The following USP7 variants were observed in gnomAD, a reference collection of about 807,000 sequenced individuals.
USP7 encodes the protein ubiquitin specific peptidase 7.
A neutral mutation model predicts 162.9 loss-of-function variants in USP7; 9 were observed. That is an observed-to-expected ratio of 0.06 (90% CI 0.03 to 0.10). The LOEUF is 0.10. USP7 is among the 10% of genes least tolerant of loss of function. The pLI is 1.00. For synonymous variants in USP7, 562 were observed against 475.9 expected (o/e 1.18, Z -2.35); for missense variants, 715 against 1,373.7 (o/e 0.52, Z 7.58).
chr16:8,895,841 T>G (rs1485792709), intron 26 of USP7, 100 bp from the exon 27 acceptor site: 7 of 58,456 alleles, frequency 1.2e-4, no homozygotes, highest in Non-Finnish European at 1.2e-4. Flanking sequence ...CACGATATGT[T>G]TTTTTTTTTT....
rs780262153 is a variant in USP7 at position 8,898,515 on chromosome 16, T to TA, written c.2640+15dup. ...TTCTCTTTATGACCCATAGTTACAT[T>TA]AATTTGGACTCATACCTGCTGATAG... On this transcript the variant is annotated intron_variant, in intron 24 of 30. Transcript: ENST00000344836. 1 of 1,605,742 alleles carries TA rather than the reference T, an allele frequency of 6.2e-7. No homozygotes were observed. Among genetic ancestry groups the TA allele is most frequent in the Non-Finnish European group, 8.5e-7 (1 of 1,176,276 alleles).
chr16:8,941,450 G>A (rs986721095), intron 1 of USP7, among the ~76,000 whole-genome samples: 1 of 152,178 alleles, frequency 6.6e-6, no homozygotes, highest in African/African-American at 2.4e-5. Context: ...GGACCTGAGG[G>A]GTAAAGGCAC....
Position 8,932,614 on chromosome 16 carries a change from TAAAA to T in USP7, c.80-2221_80-2218del, listed in dbSNP as rs1204170496. Among the ~76,000 whole-genome samples, 5 of 83,094 alleles carry T rather than the reference TAAAA, an allele frequency of 6.0e-5. No homozygotes were observed. In the East Asian group the frequency reaches 4.1e-3, roughly 68 times the overall value. 54.5% of individuals were successfully genotyped at this position (83,094 alleles called of 152,430 possible). A position where few individuals can be genotyped will look rare whatever the true frequency, so the allele number is the denominator to read the frequency against. ...CCAAATCAAATATACATGCTAAATTTAAAAAAGAGAAAGAAAAGAAAAATCAGGT... is the reference window on the plus strand; with the variant it reads ...CCAAATCAAATATACATGCTAAATTTAAGAGAAAGAAAAGAAAAATCAGGT... On this transcript the variant is annotated intron_variant, in intron 1 of 30. Coordinates refer to ENST00000344836, the MANE Select transcript of USP7 (RefSeq NM_003470.3).
At chr16:8,955,365 C>A (rs1899743587) in intron 1 of USP7, among the ~76,000 whole-genome samples, 2 of 152,228 alleles carry the variant, frequency 1.3e-5, no homozygotes, top group African/African-American at 4.8e-5. Flanking sequence ...CCACCTCGGC[C>A]TCCCAAAGTG....
At chr16:8,906,657 C>T (rs1177638849) in intron 12 of USP7, 75 bp from the exon 13 acceptor site, 3 of 1,435,516 alleles carry the variant, frequency 2.1e-6, no homozygotes, top group Admixed American at 2.1e-5. Context: ...TAAGTAAGGC[C>T]ATTTAATGTA....
chr16:8,952,636 G>C (rs1402853493), intron 1 of USP7, among the ~76,000 whole-genome samples: 1 of 152,096 alleles, frequency 6.6e-6, no homozygotes, highest in Non-Finnish European at 1.5e-5. Flanking sequence ...TCCTCACTAG[G>C]GATCCTGAAT....
chr16:8,941,003 T>C (rs906455847), intron 1 of USP7, among the ~76,000 whole-genome samples: 3 of 152,220 alleles, frequency 2.0e-5, no homozygotes, highest in African/African-American at 7.2e-5. Context: ...AGGACCCTTC[T>C]TCTCGTCCAG....
chr16:8,917,563 G>C (rs115047762), intron 6 of USP7, among the ~76,000 whole-genome samples: 2 of 152,100 alleles, frequency 1.3e-5, no homozygotes, highest in African/African-American at 4.8e-5. Flanking sequence ...ATTTTCAGGA[G>C]AGACAGGGTT....
chr16:8,916,402 CATTTTCT>C (rs1897371058), intron 8 of USP7, 93 bp downstream of exon 8: 3 of 1,227,092 alleles, frequency 2.4e-6, no homozygotes, highest in Non-Finnish European at 3.4e-6. Context: ...CAAAGATGGG[CATTTTCT>C]GAATTAGGTC....
chr16:8,920,806 C>A (rs1897646842), intron 4 of USP7, among the ~76,000 whole-genome samples: 1 of 152,154 alleles, frequency 6.6e-6, no homozygotes, highest in Non-Finnish European at 1.5e-5. Context: ...TGGTTACCAC[C>A]TCTGCAAAAA....
intron 1 of USP7, among the ~76,000 whole-genome samples, chr16:8,933,339 G>C (rs889967557): frequency 1.3e-5 from 2 of 152,114 alleles, no homozygotes; most frequent in Non-Finnish European, 2.9e-5. Flanking sequence ...ATAAGTCAAG[G>C]AGTCCGAGAC....
At chr16:8,941,914 A>T (rs561383714) in intron 1 of USP7, among the ~76,000 whole-genome samples, 1 of 152,202 alleles carries the variant, frequency 6.6e-6, no homozygotes, top group Non-Finnish European at 1.5e-5. Flanking sequence ...TCCCTTGGTG[A>T]TCATTGCAAT....
In USP7 at chr16:8,894,228, G is replaced by A; in HGVS notation, c.3203-124C>T. On this transcript the variant is annotated intron_variant, in intron 30 of 30. Transcript: ENST00000344836. ...AGGGGTAAGTTCGCAGGGAAGCCAG[G>A]ACCTGAGCTACACGCCCACCTGGAG... 3 of 903,890 alleles carry A rather than the reference G, an allele frequency of 3.3e-6. No homozygotes were observed. In the South Asian group the frequency reaches 4.3e-5, roughly 13 times the overall value. The allele number at this position is 903,890 out of a possible 1,614,324, so 56.0% of individuals were successfully genotyped here.
chr16:8,912,819 T>TA (rs987750835), intron 10 of USP7, among the ~76,000 whole-genome samples: 22 of 151,394 alleles, frequency 1.5e-4, no homozygotes, highest in African/African-American at 4.8e-4. Context: ...GATTTTCATT[T>TA]AAAAAAAATC....
chr16:8,906,232 C>A (rs2061857622), intron 13 of USP7, among the ~76,000 whole-genome samples, 194 bp downstream of exon 13: 1 of 152,234 alleles, frequency 6.6e-6, no homozygotes, highest in Non-Finnish European at 1.5e-5. Context: ...AAGAGAAGCA[C>A]AAATGCTAAT....
At chr16:8,960,962 G>A (rs1283336083) in intron 1 of USP7, among the ~76,000 whole-genome samples, 5 of 152,168 alleles carry the variant, frequency 3.3e-5, no homozygotes, top group Non-Finnish European at 1.5e-5. Flanking sequence ...TTGAAACAGA[G>A]GCCCAGTCAG....
At chr16:8,914,095 GA>G (rs2061993031) in intron 10 of USP7, among the ~76,000 whole-genome samples, 1 of 151,982 alleles carries the variant, frequency 6.6e-6, no homozygotes, top group Non-Finnish European at 1.5e-5. Context: ...TAAGGAAAAA[GA>G]AAAGAAGCCA....
At chr16:8,916,926 A>C in intron 7 of USP7, 100 bp downstream of exon 7, 3 of 1,358,030 alleles carry the variant, frequency 2.2e-6, no homozygotes, top group Non-Finnish European at 2.9e-6. Flanking sequence ...TTAAGTGCCT[A>C]CAGTATGCTC....
At chr16:8,932,165 A>G (rs771316844) in intron 1 of USP7, among the ~76,000 whole-genome samples, 3 of 152,196 alleles carry the variant, frequency 2.0e-5, no homozygotes, top group Non-Finnish European at 4.4e-5. Context: ...AGCATCTCAA[A>G]ACATTCAAAA....
Sources: gnomAD v4.1 joint callset for allele counts (sites outside exome capture counted in the v4.1 genomes callset) on GRCh38, gnomAD v4.1.1 for gene constraint, MANE v1.5 for transcripts, NCBI Gene and HGNC (gene_info 2026-07-23, HGNC 2026-07-21) for gene names.